KIF26B: variants seen among roughly 807,000 people sequenced by gnomAD.
KIF26B encodes kinesin family member 26B, also known as kinesin-like protein KIF26B.
Under a neutral mutation model 151.2 loss-of-function variants are expected in KIF26B, and 63 were observed. That is an observed-to-expected ratio of 0.42 (90% CI 0.34 to 0.51). The LOEUF is 0.51. Among genes scored for constraint, KIF26B ranks in the 20% least tolerant of loss-of-function variants. The pLI is 0.07. For synonymous variants in KIF26B, 1,357 were observed against 1,262.1 expected, an observed-to-expected ratio of 1.08 and a Z score of -1.59; for missense variants, 2,813 against 2,913.6, an observed-to-expected ratio of 0.97 and a Z score of 0.79.
Position 245,687,637 on chromosome 1 carries a change from A to G in KIF26B, c.4654A>G (p.Ser1552Gly), listed in dbSNP as rs1315468307. Residue 1552 changes from serine (S) to glycine (G), a missense_variant, in exon 12 of 15, where the codon AGC becomes GGC. Ser to Gly is a moderately conservative substitution (Grantham distance 56). This residue lies in a region of KIF26B where 2,060 missense variants were observed against 2,088.6 expected (regional missense o/e 0.99). Transcript: ENST00000407071. The surrounding 1 kb of genome is among the most constrained non-coding windows in gnomAD (Gnocchi z 4.9). ...GGCCAGCCGGCAGGAGGAGCCGGAC[A>G]GCCTCTCCTATTACTGCGCTGCTGA... is the stretch of plus-strand genomic sequence containing the variant. The part of the protein sequence containing the change: ...QKASRQEEPD[S>G]LSYYCAAETN... The G allele has an allele frequency of 7.0e-6, 11 of 1,568,106 alleles. No individual in the cohort carries two copies. The highest frequency in any genetic ancestry group is 3.7e-5 in the Admixed American group (2 of 53,654).
intron 4 of KIF26B, among the ~76,000 whole-genome samples, chr1:245,420,178 T>C (rs1379163731): frequency 2.0e-5 from 3 of 152,190 alleles, no homozygotes; most frequent in Non-Finnish European, 4.4e-5. Context: ...TTGAACTGCT[T>C]AAAAGCTATT....
intron 2 of KIF26B, among the ~76,000 whole-genome samples, chr1:245,349,685 G>C (rs1014036209): frequency 6.6e-6 from 1 of 152,048 alleles, no homozygotes; most frequent in Non-Finnish European, 1.5e-5. Flanking sequence ...AAATGGCCAG[G>C]CATAGTTAAC....
chr1:245,297,105 G>A (rs897170031), intron 2 of KIF26B, among the ~76,000 whole-genome samples: 1 of 152,132 alleles, frequency 6.6e-6, no homozygotes, highest in South Asian at 2.1e-4. Flanking sequence ...CACTTTGGGA[G>A]GCCAAGGTGG....
At chr1:245,474,239 G>A (rs1659980956) in intron 4 of KIF26B, among the ~76,000 whole-genome samples, 2 of 150,268 alleles carry the variant, frequency 1.3e-5, no homozygotes, top group Admixed American at 6.6e-5. Flanking sequence ...CTCCCGAGTG[G>A]CTGGGACTAC....
intron 3 of KIF26B, among the ~76,000 whole-genome samples, chr1:245,393,027 T>C (rs1314870771): frequency 2.0e-5 from 3 of 152,036 alleles, no homozygotes; most frequent in Admixed American, 6.6e-5. Flanking sequence ...AAAAATTAGC[T>C]GGGCGTGATG....
Position 245,688,182 on chromosome 1 carries a change from C to T in KIF26B, c.5199C>T (p.Ser1733=), listed in dbSNP as rs763343873. The change falls in exon 12 of 15, where the codon TCC becomes TCT. Residue 1733 remains serine (S), a synonymous_variant. Transcript: ENST00000407071. ...CCAAGGCCGGCCAGTCCAAGATCTC[C>T]GCCGTGAGCAGACTCCTCCTGGCCA... ...ASPKAGQSKI[S]AVSRLLLASP... 75 of 1,597,336 alleles carry T rather than the reference C, an allele frequency of 4.7e-5. No homozygotes were observed. In the South Asian group the frequency reaches 5.5e-4, roughly 12 times the overall value.
intron 4 of KIF26B, among the ~76,000 whole-genome samples, chr1:245,471,323 G>A (rs147228456): frequency 4.4e-3 from 675 of 152,000 alleles, no homozygotes; most frequent in Non-Finnish European, 7.0e-3. Context: ...TAGTAGAGAC[G>A]GGGTTTCATC....
intron 3 of KIF26B, among the ~76,000 whole-genome samples, chr1:245,404,163 A>G (rs912316938): frequency 6.6e-6 from 1 of 151,908 alleles, no homozygotes; most frequent in African/African-American, 2.4e-5. Flanking sequence ...TTCTCTCAAA[A>G]GGTTGTTAAG....
At chr1:245,190,140 A>C (rs1573698251) in intron 2 of KIF26B, among the ~76,000 whole-genome samples, 1 of 152,282 alleles carries the variant, frequency 6.6e-6, no homozygotes, top group East Asian at 1.9e-4. Context: ...GTATGGGGAA[A>C]CTGCCCCCAT....
At chr1:245,419,923 G>A (rs1040485906) in intron 4 of KIF26B, among the ~76,000 whole-genome samples, 178 bp downstream of exon 4, 1 of 152,184 alleles carries the variant, frequency 6.6e-6, no homozygotes, top group African/African-American at 2.4e-5. Context: ...AACTGTGGTG[G>A]GGACTGTCCT....
chr1:245,232,096 G>A (rs1402595221), intron 2 of KIF26B, among the ~76,000 whole-genome samples: 2 of 152,170 alleles, frequency 1.3e-5, no homozygotes, highest in Non-Finnish European at 2.9e-5. Context: ...GAGATTAATC[G>A]GACGTATCCA....
chr1:245,292,643 T>G (rs1671273822), intron 2 of KIF26B, among the ~76,000 whole-genome samples: 1 of 152,224 alleles, frequency 6.6e-6, no homozygotes, highest in African/African-American at 2.4e-5. Context: ...TGGTTTTCTG[T>G]GTGACACAGA....
intron 2 of KIF26B, among the ~76,000 whole-genome samples, chr1:245,308,569 A>G (rs1303909521): frequency 6.6e-6 from 1 of 152,182 alleles, no homozygotes; most frequent in African/African-American, 2.4e-5. Context: ...TCTACAAAAT[A>G]CAAAATAAAA....
intron 4 of KIF26B, among the ~76,000 whole-genome samples, chr1:245,532,638 T>C (rs1661399919): frequency 6.6e-6 from 1 of 152,168 alleles, no homozygotes. Flanking sequence ...CTGGCTGTAG[T>C]ATTTTAACAT....
intron 4 of KIF26B, among the ~76,000 whole-genome samples, chr1:245,485,172 C>T (rs1040321644): frequency 6.6e-6 from 1 of 152,052 alleles, no homozygotes; most frequent in Non-Finnish European, 1.5e-5. Flanking sequence ...TAGGCAAATT[C>T]ATGCAGACAG....
At chr1:245,480,993 T>G (rs548955615) in intron 4 of KIF26B, among the ~76,000 whole-genome samples, 42 of 120,652 alleles carry the variant, frequency 3.5e-4, no homozygotes, top group African/African-American at 8.1e-4. Context: ...CAGTGTTTTA[T>G]CTACAATTAT....
intron 4 of KIF26B, among the ~76,000 whole-genome samples, chr1:245,428,054 A>C (rs553727380): frequency 2.0e-5 from 3 of 152,254 alleles, no homozygotes; most frequent in African/African-American, 7.2e-5. Flanking sequence ...GTCTGGGCTC[A>C]TGTTGTCCTG....
intron 4 of KIF26B, among the ~76,000 whole-genome samples, chr1:245,441,067 C>A (rs746206265): frequency 2.0e-5 from 3 of 152,162 alleles, no homozygotes; most frequent in Admixed American, 1.3e-4. Flanking sequence ...GACGGCCTGG[C>A]GTTCTCTCCT....
At chr1:245,304,699 C>CCCTCCATCCATCCATCCA (rs1553342834) in intron 2 of KIF26B, among the ~76,000 whole-genome samples, 1 of 150,552 alleles carries the variant, frequency 6.6e-6, no homozygotes, top group Non-Finnish European at 1.5e-5. Flanking sequence ...ACGTCCATCC[C>CCCTCCATCCATCCATCCA]TCCATCCATC....
Sources: allele counts gnomAD v4.1 joint callset (sites outside exome capture counted in the v4.1 genomes callset), GRCh38; gene constraint gnomAD v4.1.1; regional missense constraint gnomAD v4.1.1; non-coding constraint Gnocchi (gnomAD v3.1); transcripts MANE v1.5; gene names NCBI Gene and HGNC (gene_info 2026-07-23, HGNC 2026-07-21).